The following RPS6KA2 variants were observed in gnomAD, a reference collection of about 807,000 sequenced individuals.
The protein encoded by RPS6KA2 is ribosomal protein S6 kinase alpha-2.
A neutral mutation model predicts 91.8 loss-of-function variants in RPS6KA2; 42 were observed. That is an observed-to-expected ratio of 0.46 (90% confidence interval 0.36 to 0.59). RPS6KA2 has a LOEUF of 0.59. RPS6KA2 is among the 20% of genes least tolerant of loss of function. The probability of loss-of-function intolerance (pLI) is 0.00; values close to 1 mark genes in which losing one functional copy is unlikely to be tolerated. For missense variants in RPS6KA2, 798 were observed against 978.5 expected (o/e 0.82, Z 2.46); for synonymous variants, 414 against 393.6 (o/e 1.05, Z -0.61).
intron 2 of RPS6KA2, among the ~76,000 whole-genome samples, chr6:166,667,485 T>C (rs1275067461): frequency 6.6e-6 from 1 of 152,268 alleles, no homozygotes; most frequent in Non-Finnish European, 1.5e-5. Flanking sequence ...ACCTTGTGCC[T>C]GCCTTTGAAT....
At chr6:166,590,530 T>C (rs945563532) in intron 1 of RPS6KA2, among the ~76,000 whole-genome samples, 2 of 152,146 alleles carry the variant, frequency 1.3e-5, no homozygotes, top group African/African-American at 2.4e-5. Context: ...AGCAGCACAA[T>C]TGAAATCCTC....
intron 1 of RPS6KA2, among the ~76,000 whole-genome samples, chr6:166,552,605 T>C (rs1370245667): frequency 6.6e-6 from 1 of 152,208 alleles, no homozygotes. Context: ...GCAGGTGTCC[T>C]GTTCTGCATC....
chr6:166,780,152 A>G (rs1778732030), intron 2 of RPS6KA2, among the ~76,000 whole-genome samples: 1 of 152,232 alleles, frequency 6.6e-6, no homozygotes, highest in Admixed American at 6.5e-5. Context: ...CAATAGCAGC[A>G]TAGTTCTGGG....
At chr6:166,750,271 C>T (rs1048774259) in intron 2 of RPS6KA2, among the ~76,000 whole-genome samples, 2 of 151,982 alleles carry the variant, frequency 1.3e-5, no homozygotes, top group African/African-American at 2.4e-5. Flanking sequence ...CAGCTTCTCC[C>T]CTGGGGGGGT....
Position 166,726,415 on chromosome 6 carries a change from A to G in RPS6KA2, c.123+131785T>C, listed in dbSNP as rs1790341199. ...CAGCAAGTTGACACAACACTTAGCA[A>G]ACTCTTAGTCACCTCCCGAGAGCCC... is the stretch of plus-strand genomic sequence containing the variant. On this transcript the variant is annotated intron_variant, in intron 2 of 21. Coordinates refer to the RPS6KA2 transcript ENST00000503859. The surrounding 1 kb of genome is among the most constrained non-coding windows in gnomAD (Gnocchi z 4.4). Among the ~76,000 whole-genome samples the G allele has an allele frequency of 6.6e-6, 1 of 152,216 alleles. No homozygotes were observed. The highest frequency in any genetic ancestry group is 2.1e-4 in the South Asian group (1 of 4,832).
rs376930312 is a variant in RPS6KA2, at chr6:166,734,440, G to C, written c.123+123760C>G. Among the ~76,000 whole-genome samples the C allele has an allele frequency of 2.6e-5, 4 of 152,292 alleles. No individual in the cohort carries two copies. The East Asian group carries it at 5.8e-4, about 22-fold the overall frequency. Reference sequence around the variant, plus strand: ...CATATTCAGGTGCTAGGAAATAAACGTAAGCTATCAGCAAGCCATCACCAT... The same window carrying C: ...CATATTCAGGTGCTAGGAAATAAACCTAAGCTATCAGCAAGCCATCACCAT... On this transcript the variant is annotated intron_variant, in intron 2 of 21. Coordinates refer to the RPS6KA2 transcript ENST00000503859.
At chr6:166,780,520 G>A (rs983072624) in intron 2 of RPS6KA2, among the ~76,000 whole-genome samples, 3 of 152,128 alleles carry the variant, frequency 2.0e-5, no homozygotes, top group African/African-American at 7.2e-5. Context: ...TGTTTAAGTC[G>A]CCCAGTCTCG....
chr6:166,547,255 T>C (rs937322491), intron 1 of RPS6KA2, among the ~76,000 whole-genome samples: 5 of 152,146 alleles, frequency 3.3e-5, no homozygotes, highest in African/African-American at 9.7e-5. Context: ...TCTACAATGC[T>C]GCAACACCAC....
intron 2 of RPS6KA2, among the ~76,000 whole-genome samples, chr6:166,788,270 C>T (rs1778984101): frequency 6.6e-6 from 1 of 152,162 alleles, no homozygotes; most frequent in African/African-American, 2.4e-5. Flanking sequence ...TTGTGGAGGA[C>T]AGTGTGGCGA....
At chr6:166,792,041 A>C (rs1381843875) in intron 2 of RPS6KA2, among the ~76,000 whole-genome samples, 2 of 152,222 alleles carry the variant, frequency 1.3e-5, no homozygotes, top group South Asian at 4.2e-4. Flanking sequence ...AGATCGAGAC[A>C]CAAAAAAAAA....
intron 2 of RPS6KA2, among the ~76,000 whole-genome samples, chr6:166,670,799 T>C (rs1287550893): frequency 4.6e-5 from 7 of 152,302 alleles, no homozygotes; most frequent in Middle Eastern, 3.4e-3. Flanking sequence ...TCAGCTAAAA[T>C]TCCACTAAGT....
chr6:166,476,756 C>T (rs539240934), intron 10 of RPS6KA2, among the ~76,000 whole-genome samples: 13 of 152,186 alleles, frequency 8.5e-5, no homozygotes, highest in East Asian at 1.9e-4. Flanking sequence ...GCAATGAAGA[C>T]GCATTTGCTC....
rs1441324687 is a variant in RPS6KA2 at position 166,429,957 on chromosome 6, C to CTTT, written c.1581+493_1581+495dup. Among the ~76,000 whole-genome samples, 1,448 of 150,392 alleles carry CTTT rather than the reference C, an allele frequency of 9.6e-3. 22 individuals carry two copies. Among genetic ancestry groups the CTTT allele is most frequent in the African/African-American group, 0.032 (1,293 of 40,734 alleles). ...TGGGCAGAGGGAAAAAAGAATTTTTCTTTTCTTTTTTTTTTTTTGAGATGG... is the reference window on the plus strand; with the variant it reads ...TGGGCAGAGGGAAAAAAGAATTTTTCTTTTTTTCTTTTTTTTTTTTTGAGATGG... On this transcript the variant is annotated intron_variant, in intron 16 of 20. Transcript: ENST00000265678.
chr6:166,806,159 T>G (rs1554259493), intron 2 of RPS6KA2, among the ~76,000 whole-genome samples: 1 of 152,170 alleles, frequency 6.6e-6, no homozygotes, highest in Non-Finnish European at 1.5e-5. Context: ...ATATGCATTA[T>G]AGGAGTCACA....
Position 166,490,811 on chromosome 6 carries a change from A to G in RPS6KA2, c.748-70T>C. The G allele has an allele frequency of 2.6e-6, 3 of 1,172,052 alleles. No homozygotes were observed. The allele number at this position is 1,172,052 out of a possible 1,614,324, so 72.6% of individuals were successfully genotyped here. ...ACCCGGCTTCACGGCAGAGTACCCC[A>G]GCAGGGCAGCCTGCTACCGTGTCCA... On this transcript the variant is annotated intron_variant, in intron 8 of 20. Transcript: ENST00000265678. The surrounding 1 kb of genome is among the most constrained non-coding windows in gnomAD (Gnocchi z 4.2).
At chr6:166,580,831 G>C (rs796217960) in intron 1 of RPS6KA2, among the ~76,000 whole-genome samples, 6 of 152,340 alleles carry the variant, frequency 3.9e-5, no homozygotes, top group African/African-American at 1.4e-4. Context: ...AAATCTTTAA[G>C]TGGTTAAAGA....
intron 2 of RPS6KA2, among the ~76,000 whole-genome samples, chr6:166,854,768 C>G (rs1780842878): frequency 6.6e-6 from 1 of 152,172 alleles, no homozygotes; most frequent in Non-Finnish European, 1.5e-5. Flanking sequence ...AGCACAACCT[C>G]TACAAAAGAC....
intron 2 of RPS6KA2, among the ~76,000 whole-genome samples, chr6:166,694,336 C>G (rs1789297443): frequency 6.6e-6 from 1 of 152,226 alleles, no homozygotes; most frequent in Admixed American, 6.5e-5. Context: ...GGTGAACTTG[C>G]TGGGAACATC....
At chr6:166,778,440 A>C (rs1326993379) in intron 2 of RPS6KA2, among the ~76,000 whole-genome samples, 1 of 152,246 alleles carries the variant, frequency 6.6e-6, no homozygotes, top group African/African-American at 2.4e-5. Flanking sequence ...AGAATTCTTT[A>C]AACAACTCAG....
Sources: allele counts gnomAD v4.1 joint callset (sites outside exome capture counted in the v4.1 genomes callset), GRCh38; gene constraint gnomAD v4.1.1; non-coding constraint Gnocchi (gnomAD v3.1); transcripts MANE v1.5; gene names NCBI Gene and HGNC (gene_info 2026-07-23, HGNC 2026-07-21).